FAM184A: variants seen among roughly 807,000 people sequenced by gnomAD.
The protein encoded by FAM184A is family with sequence similarity 184 member A.
A neutral mutation model predicts 143.8 loss-of-function variants in FAM184A; 99 were observed. The observed-to-expected ratio is 0.69, with a 90% CI of 0.58 to 0.81. FAM184A has a LOEUF of 0.81. Among genes scored for constraint, FAM184A ranks in the 40% least tolerant of loss-of-function variants. The probability of loss-of-function intolerance (pLI) is 0.00; values close to 1 mark genes in which losing one functional copy is unlikely to be tolerated. For missense variants in FAM184A, 1,217 were observed against 1,310.5 expected (o/e 0.93, Z 1.10); for synonymous variants, 427 against 446.4 (o/e 0.96, Z 0.55).
chr6:118,974,644 A>T, intron 13 of FAM184A, 70 bp from the exon 14 acceptor site: 1 of 1,319,880 alleles, frequency 7.6e-7, no homozygotes, highest in South Asian at 1.5e-5. Flanking sequence ...CTATTATTCT[A>T]CCAGATTTGA....
chr6:119,089,307 G>A (rs1006272838), intron 1 of FAM184A, among the ~76,000 whole-genome samples: 10 of 151,640 alleles, frequency 6.6e-5, no homozygotes, highest in African/African-American at 2.4e-4. Context: ...AGGTTCAAGC[G>A]ATTCTCCTGT....
intron 9 of FAM184A, among the ~76,000 whole-genome samples, chr6:118,998,798 CA>C (rs1784651878): frequency 6.6e-6 from 1 of 152,158 alleles, no homozygotes; most frequent in African/African-American, 2.4e-5. Context: ...ATGATGTTGG[CA>C]ATGCAGCCAG....
chr6:118,963,897 C>A (rs1005448368), intron 16 of FAM184A: 2 of 151,844 alleles, frequency 1.3e-5, no homozygotes, highest in South Asian at 2.1e-4. Flanking sequence ...CCTACTATAC[C>A]CAAAACATGA....
At chr6:119,004,461 G>A (rs543600527) in intron 7 of FAM184A, among the ~76,000 whole-genome samples, 2 of 152,354 alleles carry the variant, frequency 1.3e-5, no homozygotes, top group East Asian at 3.9e-4. Context: ...TAAGCAGTAA[G>A]TATTGAGAAT....
At chr6:119,143,742 G>A (rs543386905) in intron 1 of FAM184A, among the ~76,000 whole-genome samples, 11 of 152,356 alleles carry the variant, frequency 7.2e-5, no homozygotes, top group East Asian at 3.9e-4. Flanking sequence ...CCACTTGGAT[G>A]AGAGGCATCT....
chr6:118,974,330 C>T, intron 14 of FAM184A, 98 bp downstream of exon 14: 1 of 1,187,326 alleles, frequency 8.4e-7, no homozygotes. Flanking sequence ...TTAAAGTATC[C>T]TTTTTATTAG....
chr6:119,001,125 A>C (rs1021291979), intron 9 of FAM184A, among the ~76,000 whole-genome samples: 10 of 147,254 alleles, frequency 6.8e-5, no homozygotes, highest in African/African-American at 2.3e-4. Context: ...ATTTTTTGTC[A>C]TCTAGTATGC....
chr6:119,111,878 T>C (rs1788943760), intron 1 of FAM184A, among the ~76,000 whole-genome samples: 1 of 152,200 alleles, frequency 6.6e-6, no homozygotes, highest in African/African-American at 2.4e-5. Flanking sequence ...AGAAACAGTT[T>C]TCATTAAAGA....
At chr6:119,102,536 A>G (rs1171778304) in intron 1 of FAM184A, among the ~76,000 whole-genome samples, 5 of 152,022 alleles carry the variant, frequency 3.3e-5, no homozygotes, top group African/African-American at 9.7e-5. Flanking sequence ...ACCTGTAATC[A>G]CAGCACTTTG....
At chr6:119,069,547 C>T (rs767103309) in intron 1 of FAM184A, among the ~76,000 whole-genome samples, 3 of 152,010 alleles carry the variant, frequency 2.0e-5, no homozygotes, top group Non-Finnish European at 2.9e-5. Flanking sequence ...TATCCAAATG[C>T]GACACTTCAT....
intron 1 of FAM184A, among the ~76,000 whole-genome samples, chr6:119,086,436 C>G (rs1255651695): frequency 6.6e-6 from 1 of 152,172 alleles, no homozygotes; most frequent in Non-Finnish European, 1.5e-5. Flanking sequence ...TCAGAGAAAG[C>G]TTCACACATA....
At chr6:118,969,180 T>A (rs1245269273) in intron 14 of FAM184A, among the ~76,000 whole-genome samples, 2 of 152,202 alleles carry the variant, frequency 1.3e-5, no homozygotes, top group Non-Finnish European at 2.9e-5. Flanking sequence ...TACTTCCCCT[T>A]CCGCCATGAT....
At chr6:118,963,865 C>G (rs1229766767) in intron 16 of FAM184A, 1 of 151,892 alleles carries the variant, frequency 6.6e-6, no homozygotes, top group African/African-American at 2.4e-5. Context: ...AATTTTGCAA[C>G]TGAACAAATA....
chr6:119,051,422 T>C (rs1004528950), intron 1 of FAM184A, among the ~76,000 whole-genome samples: 1 of 152,174 alleles, frequency 6.6e-6, no homozygotes, highest in Admixed American at 6.5e-5. Flanking sequence ...GGAGGGATGG[T>C]TAATGGGTAC....
intron 1 of FAM184A, among the ~76,000 whole-genome samples, chr6:119,124,727 T>C (rs539279440): frequency 2.0e-4 from 30 of 149,112 alleles, no homozygotes; most frequent in South Asian, 1.1e-3. Context: ...AAACACCCAA[T>C]TAGAAGATCA....
chr6:119,088,441 C>T (rs949835839), intron 1 of FAM184A, among the ~76,000 whole-genome samples: 43 of 152,126 alleles, frequency 2.8e-4, no homozygotes, highest in Non-Finnish European at 3.7e-4. Context: ...AAGAGGACGT[C>T]TAAATATAAG....
chr6:119,111,020 C>T (rs1788916616), intron 1 of FAM184A, among the ~76,000 whole-genome samples: 1 of 152,114 alleles, frequency 6.6e-6, no homozygotes, highest in African/African-American at 2.4e-5. Flanking sequence ...TGAGTATCCT[C>T]GTCATTGCTG....
intron 1 of FAM184A, among the ~76,000 whole-genome samples, chr6:119,135,391 C>T (rs2114881964): frequency 6.6e-6 from 1 of 152,220 alleles, no homozygotes; most frequent in East Asian, 1.9e-4. Context: ...ATTGGTAATG[C>T]TGTGTTTCCC....
intron 1 of FAM184A, among the ~76,000 whole-genome samples, chr6:119,026,832 T>C (rs1223183957): frequency 6.6e-6 from 1 of 152,224 alleles, no homozygotes; most frequent in Non-Finnish European, 1.5e-5. Flanking sequence ...TTTTTTTGTT[T>C]GACATTCCAT....
Sources: allele counts gnomAD v4.1 joint callset (sites outside exome capture counted in the v4.1 genomes callset), GRCh38; gene constraint gnomAD v4.1.1; transcripts MANE v1.5; gene names NCBI Gene and HGNC (gene_info 2026-07-23, HGNC 2026-07-21).